The following AMMECR1L variants were observed in gnomAD, a reference collection of about 807,000 sequenced individuals.
AMMECR1L encodes the protein AMMECR1-like protein.
Under a neutral mutation model 36.8 loss-of-function variants are expected in AMMECR1L, and 4 were observed. The observed-to-expected ratio is 0.11, with a 90% confidence interval of 0.05 to 0.25. The LOEUF is 0.25. Among genes scored for constraint, AMMECR1L ranks in the 10% least tolerant of loss-of-function variants. The pLI is 1.00. For missense variants in AMMECR1L, 232 were observed against 392.1 expected (o/e 0.59, Z 3.45); for synonymous variants, 147 against 148.0 (o/e 0.99, Z 0.05).
rs1358360521 is a variant in AMMECR1L at position 127,871,963 on chromosome 2, C to G, written c.408-604G>C. On this transcript the variant is annotated intron_variant, in intron 3 of 7. Coordinates refer to ENST00000272647, the MANE Select transcript of AMMECR1L (RefSeq NM_001199140.2). The surrounding 1 kb of genome is among the most constrained non-coding windows in gnomAD (Gnocchi z 4.3). Reference sequence around the variant, plus strand: ...CAGCACTTTGGGAGGCCAAGGTGGGCGGATCACTTGAGGTAAGGAGTTCTA... The same window carrying G: ...CAGCACTTTGGGAGGCCAAGGTGGGGGGATCACTTGAGGTAAGGAGTTCTA... Among the ~76,000 whole-genome samples the G allele has an allele frequency of 2.0e-5, 3 of 151,938 alleles. No homozygotes were observed. The highest frequency in any genetic ancestry group is 7.3e-5 in the African/African-American group (3 of 41,360).
chr2:127,865,140 T>C lies in AMMECR1L; in HGVS notation c.887A>G (p.Gln296Arg), dbSNP rs749102350. The C allele has an allele frequency of 3.7e-6, 6 of 1,613,984 alleles. No homozygotes were observed. The highest frequency in any genetic ancestry group is 5.1e-6 in the Non-Finnish European group (6 of 1,179,952). ...GGGCGGGGCATGAAGAGTGCCGTTC[T>C]GGAAACAGTGCTGTCGGGAAGCAAT... is the stretch of plus-strand genomic sequence containing the variant. ...EYIASRQHCFQNGTLHAPPLY... is the reference protein window; with the variant it reads ...EYIASRQHCFRNGTLHAPPLY... The change falls in exon 8 of 8, where the codon CAG becomes CGG. Residue 296 changes from glutamine (Q) to arginine (R), a missense_variant. Coordinates refer to ENST00000272647, the MANE Select transcript of AMMECR1L (RefSeq NM_001199140.2). This position sits in a 1 kb window ranked among gnomAD's most constrained non-coding sequence, Gnocchi z 5.4.
At chr2:127,867,058 A>G (rs907922008) in intron 6 of AMMECR1L, 62 bp from the exon 7 acceptor site, 3 of 1,605,936 alleles carry the variant, frequency 1.9e-6, no homozygotes, top group African/African-American at 2.7e-5. Context: ...ATGCTCTCAC[A>G]TGGCCCGTGC....
intron 7 of AMMECR1L, 34 bp downstream of exon 7, chr2:127,866,866 T>C (rs1034470655): frequency 6.3e-7 from 1 of 1,588,226 alleles, no homozygotes; most frequent in South Asian, 1.1e-5. Flanking sequence ...CCCAACTAAA[T>C]TGAAATGATA....
In AMMECR1L at chr2:127,869,322, G is replaced by T; in HGVS notation, c.724+132C>A. 1 of 825,226 alleles carries T rather than the reference G, an allele frequency of 1.2e-6. No individual in the cohort carries two copies. Among genetic ancestry groups the T allele is most frequent in the Non-Finnish European group, 2.0e-6 (1 of 501,382 alleles). The allele number at this position is 825,226 out of a possible 1,614,324, so 51.1% of individuals were successfully genotyped here. On this transcript the variant is annotated intron_variant, in intron 6 of 7. Transcript: ENST00000272647. The surrounding 1 kb of genome is among the most constrained non-coding windows in gnomAD (Gnocchi z 4.7). Reference sequence around the variant, plus strand: ...CCTTGGTTCTATAGGAATTTGACAGGTATTAAGAGGCAGAAAGGCCCTCAT... The same window carrying T: ...CCTTGGTTCTATAGGAATTTGACAGTTATTAAGAGGCAGAAAGGCCCTCAT...
At position 127,871,384 on chromosome 2, in the gene AMMECR1L, T is replaced by C. The variant is rs775684076; in HGVS notation, c.408-25A>G. 3 of 1,604,360 alleles carry C rather than the reference T, an allele frequency of 1.9e-6. No individual in the cohort carries two copies. Among genetic ancestry groups the C allele is most frequent in the African/African-American group, 1.3e-5 (1 of 74,762 alleles). On this transcript the variant is annotated intron_variant, in intron 3 of 7. Coordinates refer to ENST00000272647, the MANE Select transcript of AMMECR1L (RefSeq NM_001199140.2). This position sits in a 1 kb window ranked among gnomAD's most constrained non-coding sequence, Gnocchi z 4.3. The stretch of plus-strand genomic sequence containing the variant: ...ACTAAAAAAAGCAAAACACAAAACA[T>C]TCTCCAGCCCCAAATTAATCATGGA...
At chr2:127,885,668 C>T in intron 1 of AMMECR1L, 142 bp downstream of exon 1, 1 of 984,278 alleles carries the variant, frequency 1.0e-6, no homozygotes, top group Non-Finnish European at 1.2e-6. Context: ...CCCCCGGACC[C>T]TCGCCCCAGG....
chr2:127,877,561 C>G (rs1691306860), intron 2 of AMMECR1L, among the ~76,000 whole-genome samples: 1 of 152,072 alleles, frequency 6.6e-6, no homozygotes, highest in Non-Finnish European at 1.5e-5. Context: ...GTCTTGAACT[C>G]CTGACTTCAG....
At chr2:127,867,593 A>G (rs115691062) in intron 6 of AMMECR1L, among the ~76,000 whole-genome samples, 2,296 of 152,210 alleles carry the variant, frequency 0.015, 44 homozygotes, top group African/African-American at 0.044. Context: ...CTAAGAACGC[A>G]AAAATTAAGT....
intron 2 of AMMECR1L, among the ~76,000 whole-genome samples, chr2:127,881,984 A>G (rs971464219): frequency 5.3e-5 from 8 of 152,218 alleles, no homozygotes; most frequent in East Asian, 3.8e-4. Flanking sequence ...TTATTCCACT[A>G]GAGTCCTCAT....
At position 127,881,019 on chromosome 2, in the gene AMMECR1L, T is replaced by A. The variant is rs539411062; in HGVS notation, c.-39+3184A>T. 5.3e-5 allele frequency among the ~76,000 whole-genome samples: 8 copies of A among 152,300 alleles called. No homozygotes were observed. In the East Asian group the frequency reaches 1.5e-3, roughly 29 times the overall value. ...TTCATTTTAAAAATTAGGTCAACTATCACCTAAATTCACTTCTTGGTCCAA... is the reference window on the plus strand; with the variant it reads ...TTCATTTTAAAAATTAGGTCAACTAACACCTAAATTCACTTCTTGGTCCAA... On this transcript the variant is annotated intron_variant, in intron 2 of 7. Coordinates refer to ENST00000272647, the MANE Select transcript of AMMECR1L (RefSeq NM_001199140.2).
intron 7 of AMMECR1L, 101 bp downstream of exon 7, chr2:127,866,799 G>C: frequency 1.8e-6 from 2 of 1,139,920 alleles, no homozygotes; most frequent in Non-Finnish European, 2.6e-6. Context: ...CTTTGATTTA[G>C]GGACATTCAC....
Position 127,869,327 on chromosome 2 carries a change from A to G in AMMECR1L, c.724+127T>C. The G allele has an allele frequency of 2.3e-6, 2 of 865,674 alleles. No homozygotes were observed. Among genetic ancestry groups the G allele is most frequent in the Non-Finnish European group, 3.7e-6 (2 of 534,272 alleles). The allele number at this position is 865,674 out of a possible 1,614,324, so 53.6% of individuals were successfully genotyped here. A position where few individuals can be genotyped will look rare whatever the true frequency, so the allele number is the denominator to read the frequency against. ...GTTCTATAGGAATTTGACAGGTATTAAGAGGCAGAAAGGCCCTCATTCTCA... is the reference window on the plus strand; with the variant it reads ...GTTCTATAGGAATTTGACAGGTATTGAGAGGCAGAAAGGCCCTCATTCTCA... On this transcript the variant is annotated intron_variant, in intron 6 of 7. Transcript: ENST00000272647. This position sits in a 1 kb window ranked among gnomAD's most constrained non-coding sequence, Gnocchi z 4.7.
In AMMECR1L at chr2:127,874,254, T is replaced by C. The variant is rs1390238764; in HGVS notation, c.-20A>G. 6.2e-7 allele frequency: 1 copy of C among 1,612,016 alleles called. No homozygotes were observed. The highest frequency in any genetic ancestry group is 1.7e-5 in the Admixed American group (1 of 59,248). On this transcript the variant is annotated 5_prime_UTR_variant, in exon 3 of 8. Coordinates refer to ENST00000272647, the MANE Select transcript of AMMECR1L (RefSeq NM_001199140.2). The surrounding 1 kb of genome is among the most constrained non-coding windows in gnomAD (Gnocchi z 5.2). Reference sequence around the variant, plus strand: ...TCCCATCCTGATTCAGTGCTCAAGGTCTGGAATGCTGCAGAACCCTAACCA... The same window carrying C: ...TCCCATCCTGATTCAGTGCTCAAGGCCTGGAATGCTGCAGAACCCTAACCA...
In AMMECR1L at chr2:127,871,476, A is replaced by T; in HGVS notation, c.408-117T>A. The T allele has an allele frequency of 9.9e-7, 1 of 1,013,398 alleles. No individual in the cohort carries two copies. The highest frequency in any genetic ancestry group is 1.5e-6 in the Non-Finnish European group (1 of 687,088). 62.8% of individuals were successfully genotyped at this position (1,013,398 alleles called of 1,614,324 possible). ...TATTGCCAAAAATCCCTGTTTTTGG[A>T]CTTGCCAGCTACCCGAAGGACTCTC... On this transcript the variant is annotated intron_variant, in intron 3 of 7. Coordinates refer to ENST00000272647, the MANE Select transcript of AMMECR1L (RefSeq NM_001199140.2). This position sits in a 1 kb window ranked among gnomAD's most constrained non-coding sequence, Gnocchi z 4.3.
chr2:127,877,258 G>A (rs1691289288), intron 2 of AMMECR1L, among the ~76,000 whole-genome samples: 2 of 151,370 alleles, frequency 1.3e-5, no homozygotes, highest in Admixed American at 1.3e-4. Context: ...ATCCTCTAAA[G>A]CACTCAACAA....
intron 3 of AMMECR1L, among the ~76,000 whole-genome samples, chr2:127,872,487 A>G (rs1341410709): frequency 1.3e-5 from 2 of 152,164 alleles, no homozygotes; most frequent in African/African-American, 4.8e-5. Flanking sequence ...AAATCCCTCC[A>G]CACTCTAATG....
chr2:127,871,186 G>A lies in AMMECR1L; in HGVS notation c.518+63C>T, dbSNP rs1173991211. ...ACGTACATCACTTAGAAGAAATAAAGTCAGGCAGCTATTTCTGATTCTAGC... is the reference window on the plus strand; with the variant it reads ...ACGTACATCACTTAGAAGAAATAAAATCAGGCAGCTATTTCTGATTCTAGC... On this transcript the variant is annotated intron_variant, in intron 4 of 7. Coordinates refer to ENST00000272647, the MANE Select transcript of AMMECR1L (RefSeq NM_001199140.2). This position sits in a 1 kb window ranked among gnomAD's most constrained non-coding sequence, Gnocchi z 4.3. 17 of 1,529,934 alleles carry A rather than the reference G, an allele frequency of 1.1e-5. No homozygotes were observed. The highest frequency in any genetic ancestry group is 3.4e-4 in the Middle Eastern group (2 of 5,940). 94.8% of individuals were successfully genotyped at this position (1,529,934 alleles called of 1,614,324 possible).
chr2:127,872,192 G>GA (rs369158538), intron 3 of AMMECR1L, among the ~76,000 whole-genome samples: 1,178 of 84,730 alleles, frequency 0.014, 3 homozygotes, highest in South Asian at 0.042. Context: ...GTCTCAAAAA[G>GA]AAAAAAAAAA....
chr2:127,866,874 A>G, intron 7 of AMMECR1L, 26 bp downstream of exon 7: 1 of 1,599,806 alleles, frequency 6.3e-7, no homozygotes, highest in Non-Finnish European at 8.6e-7. Flanking sequence ...AATTGAAATG[A>G]TAAGGAAAAC....
Sources: gnomAD v4.1 joint callset for allele counts (sites outside exome capture counted in the v4.1 genomes callset) on GRCh38, gnomAD v4.1.1 for gene constraint, Gnocchi (gnomAD v3.1) non-coding constraint, MANE v1.5 for transcripts, NCBI Gene and HGNC (gene_info 2026-07-23, HGNC 2026-07-21) for gene names.